DGKB: variants seen among roughly 807,000 people sequenced by gnomAD.
DGKB encodes 90 kDa diacylglycerol kinase.
In DGKB, 67 loss-of-function variants were observed where a neutral mutation model predicts 114.3. That is an observed-to-expected ratio of 0.59 (90% CI 0.48 to 0.72). The LOEUF (loss-of-function observed/expected upper bound fraction) is 0.72, where lower values mean the gene tolerates loss of function less well. Among genes scored for constraint, DGKB ranks in the 30% least tolerant of loss-of-function variants. DGKB has a pLI of 0.00. For synonymous variants in DGKB, 398 were observed against 323.1 expected (o/e 1.23, Z -2.49); for missense variants, 907 against 975.2 (o/e 0.93, Z 0.93).
intron 6 of DGKB, 143 bp downstream of exon 6, chr7:14,718,399 G>A (rs1828564515): frequency 3.4e-6 from 2 of 586,544 alleles, no homozygotes; most frequent in East Asian, 3.3e-5. Flanking sequence ...ATCCTCAGCA[G>A]GAGGAAATTT....
intron 6 of DGKB, among the ~76,000 whole-genome samples, chr7:14,711,508 A>C (rs986554474): frequency 6.6e-5 from 10 of 152,166 alleles, no homozygotes; most frequent in Admixed American, 2.6e-4. Context: ...AAGTACCACT[A>C]TAGTAACAGT....
chr7:14,341,048 A>G (rs967476968), intron 22 of DGKB, among the ~76,000 whole-genome samples: 3 of 151,576 alleles, frequency 2.0e-5, no homozygotes, highest in African/African-American at 7.3e-5. Context: ...GAAAAACATG[A>G]GTGTATGCTA....
intron 23 of DGKB, among the ~76,000 whole-genome samples, chr7:14,251,326 ATATCT>A (rs1198587988): frequency 2.0e-5 from 3 of 148,566 alleles, no homozygotes; most frequent in African/African-American, 4.8e-5. Flanking sequence ...ATGATTTAAA[ATATCT>A]TATAATTAGA....
At chr7:14,844,259 G>A (rs1486232331) in intron 1 of DGKB, among the ~76,000 whole-genome samples, 3 of 152,172 alleles carry the variant, frequency 2.0e-5, no homozygotes, top group African/African-American at 7.2e-5. Flanking sequence ...ATGGTGACAT[G>A]TTGGCTGCAA....
chr7:14,178,862 G>A (rs145787090), intron 23 of DGKB, among the ~76,000 whole-genome samples: 7 of 151,832 alleles, frequency 4.6e-5, no homozygotes, highest in African/African-American at 7.2e-5. Flanking sequence ...GTTAAGAGTT[G>A]TCGCTTGTTG....
chr7:14,262,446 T>C (rs1019112283), intron 23 of DGKB, among the ~76,000 whole-genome samples: 1 of 152,168 alleles, frequency 6.6e-6, no homozygotes, highest in African/African-American at 2.4e-5. Flanking sequence ...AAGCTGTGTC[T>C]GAGTGAGAGT....
chr7:14,365,306 C>T (rs1012820883), intron 21 of DGKB, among the ~76,000 whole-genome samples: 13 of 152,008 alleles, frequency 8.6e-5, no homozygotes, highest in African/African-American at 2.7e-4. Context: ...AATTTGTCTT[C>T]TGAGAGTCAA....
At chr7:14,390,608 CA>C (rs1821162992) in intron 21 of DGKB, among the ~76,000 whole-genome samples, 2 of 152,126 alleles carry the variant, frequency 1.3e-5, no homozygotes, top group Admixed American at 1.3e-4. Context: ...GCCACAAAGA[CA>C]AAAATGAATT....
chr7:14,248,169 G>A (rs767338713), intron 23 of DGKB, among the ~76,000 whole-genome samples: 12 of 152,002 alleles, frequency 7.9e-5, no homozygotes, highest in Non-Finnish European at 1.8e-4. Context: ...CAAATGAGTG[G>A]ATTTATTTCT....
intron 21 of DGKB, among the ~76,000 whole-genome samples, chr7:14,370,825 C>T (rs1320488231): frequency 6.6e-6 from 1 of 152,092 alleles, no homozygotes. Flanking sequence ...ATCTTCTCTC[C>T]ATGTTCTAGT....
At chr7:14,314,936 G>A (rs200696278) in intron 23 of DGKB, among the ~76,000 whole-genome samples, 16 of 151,322 alleles carry the variant, frequency 1.1e-4, no homozygotes, top group Non-Finnish European at 1.8e-4. Flanking sequence ...CGGATCTCTC[G>A]GCAGAAACCC....
chr7:14,322,243 G>A (rs1277315178), intron 23 of DGKB, among the ~76,000 whole-genome samples: 1 of 152,084 alleles, frequency 6.6e-6, no homozygotes, highest in Non-Finnish European at 1.5e-5. Flanking sequence ...GTATGACAGA[G>A]AGTATATGAC....
intron 1 of DGKB, among the ~76,000 whole-genome samples, chr7:14,935,202 A>G (rs118120958): frequency 6.6e-6 from 1 of 152,172 alleles, no homozygotes; most frequent in Non-Finnish European, 1.5e-5. Flanking sequence ...TTTAAAGGGA[A>G]TAACTAACAA....
intron 2 of DGKB, among the ~76,000 whole-genome samples, chr7:14,825,687 G>C (rs1348382829): frequency 6.6e-6 from 1 of 152,114 alleles, no homozygotes; most frequent in Non-Finnish European, 1.5e-5. Flanking sequence ...ACAGGCCATG[G>C]TACCAGTACA....
upstream of DGKB, among the ~76,000 whole-genome samples, chr7:14,905,630 A>G (rs992205902): frequency 1.3e-5 from 2 of 152,182 alleles, no homozygotes; most frequent in African/African-American, 2.4e-5. Flanking sequence ...TTTCATCTAC[A>G]TCTCCTTCAT....
intron 21 of DGKB, among the ~76,000 whole-genome samples, chr7:14,382,989 A>G (rs910833390): frequency 3.3e-5 from 5 of 152,146 alleles, no homozygotes; most frequent in African/African-American, 1.2e-4. Flanking sequence ...AAACGGAATA[A>G]CCTCATCCCT....
chr7:14,486,431 G>A lies in DGKB; in HGVS notation c.1771-8206C>T, dbSNP rs545330562. On this transcript the variant is annotated intron_variant, in intron 20 of 25. Coordinates refer to ENST00000402815, the MANE Select transcript of DGKB (RefSeq NM_001350709.2). ...CGTATGTCCAAAGGGACAATGTGAGGAGCTAGTTACCAGACCCAGAGGGAA... is the reference window on the plus strand; with the variant it reads ...CGTATGTCCAAAGGGACAATGTGAGAAGCTAGTTACCAGACCCAGAGGGAA... Among the ~76,000 whole-genome samples the A allele has an allele frequency of 5.3e-5, 8 of 152,340 alleles. No individual in the cohort carries two copies. The East Asian group carries it at 1.5e-3, about 29-fold the overall frequency.
intron 23 of DGKB, among the ~76,000 whole-genome samples, chr7:14,304,081 A>ACT (rs1236949607): frequency 5.6e-5 from 5 of 88,600 alleles, no homozygotes; most frequent in African/African-American, 2.1e-4. Context: ...ACACACACAC[A>ACT]CACACACTCT....
intron 23 of DGKB, among the ~76,000 whole-genome samples, chr7:14,311,278 C>G (rs1307385208): frequency 3.9e-5 from 6 of 152,186 alleles, no homozygotes; most frequent in Admixed American, 3.9e-4. Context: ...ACTGGGTCCA[C>G]AGACCAACCA....
Sources: allele counts gnomAD v4.1 joint callset (sites outside exome capture counted in the v4.1 genomes callset), GRCh38; gene constraint gnomAD v4.1.1; transcripts MANE v1.5; gene names NCBI Gene and HGNC (gene_info 2026-07-23, HGNC 2026-07-21).